SPARCL1: variants seen among roughly 807,000 people sequenced by gnomAD.
The protein encoded by SPARCL1 is SPARC-like protein 1.
A neutral mutation model predicts 67.1 loss-of-function variants in SPARCL1; 52 were observed. The observed-to-expected ratio is 0.78, with a 90% CI of 0.62 to 0.98. The LOEUF (loss-of-function observed/expected upper bound fraction) is 0.98, where lower values mean the gene tolerates loss of function less well. SPARCL1 is among the 50% of genes least tolerant of loss of function. SPARCL1 has a pLI of 0.00. For missense variants in SPARCL1, 717 were observed against 782.4 expected (o/e 0.92, Z 1.00); for synonymous variants, 226 against 267.8 (o/e 0.84, Z 1.52).
rs759594652 is a variant in SPARCL1 at position 87,473,749 on chromosome 4, A to G, written c.*26T>C. On this transcript the variant is annotated 3_prime_UTR_variant, in exon 11 of 11. Coordinates refer to ENST00000282470, the MANE Select transcript of SPARCL1 (RefSeq NM_004684.6). ...TGGTTAGAACAGAGGAGGATGCTGG[A>G]AAGTTGAGTTCTTTAAAATCTTCGT... 1 of 1,582,098 alleles carries G rather than the reference A, an allele frequency of 6.3e-7. No homozygotes were observed. The highest frequency in any genetic ancestry group is 1.1e-5 in the South Asian group (1 of 89,514).
chr4:87,523,876 T>C (rs994475594), intron 1 of SPARCL1, among the ~76,000 whole-genome samples: 4 of 152,204 alleles, frequency 2.6e-5, no homozygotes, highest in African/African-American at 9.7e-5. Flanking sequence ...AAGATGGCAT[T>C]GTATTTGGGG....
intron 4 of SPARCL1, among the ~76,000 whole-genome samples, chr4:87,493,196 T>G (rs2110227862): frequency 6.6e-6 from 1 of 152,296 alleles, no homozygotes; most frequent in African/African-American, 2.4e-5. Flanking sequence ...TTAATACCCC[T>G]CTAGCAATCC....
intron 1 of SPARCL1, among the ~76,000 whole-genome samples, chr4:87,508,784 G>A (rs189130803): frequency 7.2e-6 from 1 of 138,356 alleles, no homozygotes; most frequent in Admixed American, 7.2e-5. Context: ...TGAAACATAT[G>A]TGTGTGTGTG....
intron 1 of SPARCL1, among the ~76,000 whole-genome samples, chr4:87,509,838 G>C (rs116012858): frequency 6.6e-6 from 1 of 152,204 alleles, no homozygotes; most frequent in African/African-American, 2.4e-5. Flanking sequence ...CAGGGGTGAT[G>C]ATATAACCAG....
At chr4:87,514,648 T>G (rs995147282) in intron 1 of SPARCL1, among the ~76,000 whole-genome samples, 4 of 152,234 alleles carry the variant, frequency 2.6e-5, no homozygotes, top group Non-Finnish European at 5.9e-5. Context: ...TGTTCCACGT[T>G]GTCCTTTAGA....
Position 87,528,330 on chromosome 4 carries a change from CT to C in SPARCL1, c.-12+714del, listed in dbSNP as rs1455347690. The C allele has an allele frequency of 3.3e-5, 5 of 152,210 alleles. No homozygotes were observed. In the East Asian group the frequency reaches 9.6e-4, roughly 29 times the overall value. The allele number at this position is 152,210 out of a possible 1,614,324, so 9.4% of individuals were successfully genotyped here. On this transcript the variant is annotated intron_variant, in intron 1 of 10. Coordinates refer to ENST00000282470, the MANE Select transcript of SPARCL1 (RefSeq NM_004684.6). ...ATTATAATATGAGTTACCATAATCT[CT>C]TTAGCTCTTTAATTCTCTTCTCCCA... is the stretch of plus-strand genomic sequence containing the variant.
intron 7 of SPARCL1, among the ~76,000 whole-genome samples, chr4:87,482,867 G>A (rs140208489): frequency 2.0e-3 from 301 of 152,294 alleles, no homozygotes; most frequent in Middle Eastern, 3.4e-3. Flanking sequence ...CAGAATCACT[G>A]CTGTAGAATC....
chr4:87,473,606 TGTTAAATACCTG>T lies in SPARCL1; in HGVS notation c.*157_*168del, dbSNP rs34883460. The T allele has an allele frequency of 0.12, 57,742 of 478,344 alleles. 3,484 individuals carry two copies. Among genetic ancestry groups the T allele is most frequent in the East Asian group, 0.15 (4,590 of 31,316 alleles). The allele number at this position is 478,344 out of a possible 1,614,324, so 29.6% of individuals were successfully genotyped here. ...TGTACATTTTTGTTTCCAAAGTTAA[TGTTAAATACCTG>T]GTGCATAGGTTGTTGTCAAGCAATT... On this transcript the variant is annotated 3_prime_UTR_variant, in exon 11 of 11. Coordinates refer to ENST00000282470, the MANE Select transcript of SPARCL1 (RefSeq NM_004684.6).
Position 87,480,510 on chromosome 4 carries a change from A to G in SPARCL1, c.1679T>C (p.Ile560Thr). 1 of 1,607,962 alleles carries G rather than the reference A, an allele frequency of 6.2e-7. No homozygotes were observed. The change falls in exon 9 of 11, where the codon ATT (isoleucine) becomes ACT (threonine). Residue 560 changes from isoleucine (I) to threonine (T), a missense_variant. Physicochemically the swap from Ile to Thr is moderately conservative, Grantham distance 89 (BLOSUM62 -1). Coordinates refer to ENST00000282470, the MANE Select transcript of SPARCL1 (RefSeq NM_004684.6). ...CAAAAGCCTCTTTTCATCCAGGTAAATTTTCTTGACCTGGGATTAGGAAGG... is the reference window on the plus strand; with the variant it reads ...CAAAAGCCTCTTTTCATCCAGGTAAGTTTTCTTGACCTGGGATTAGGAAGG... Reference protein sequence around the residue: ...NEKQRNKVKKIYLDEKRLLAG... With the variant: ...NEKQRNKVKKTYLDEKRLLAG...
intron 1 of SPARCL1, among the ~76,000 whole-genome samples, chr4:87,508,060 C>T (rs1277601346): frequency 2.6e-5 from 4 of 152,336 alleles, no homozygotes; most frequent in African/African-American, 9.6e-5. Context: ...TTCTTCAAAC[C>T]TCGTCCCCTT....
At chr4:87,479,380 C>T in intron 10 of SPARCL1, 50 bp downstream of exon 10, 1 of 1,586,944 alleles carries the variant, frequency 6.3e-7, no homozygotes, top group Non-Finnish European at 8.6e-7. Flanking sequence ...GGGCTTAGGG[C>T]TTGTCTGAGG....
rs1256309099 is a variant in SPARCL1 at position 87,522,589 on chromosome 4, C to T, written c.-12+6456G>A. On this transcript the variant is annotated intron_variant, in intron 1 of 10. Transcript: ENST00000282470. Reference sequence around the variant, plus strand: ...TCCAGGGTCTTTGCACAAGTGTTCACGCTGTCAGAATTCTCTCTCCAGCAC... The same window carrying T: ...TCCAGGGTCTTTGCACAAGTGTTCATGCTGTCAGAATTCTCTCTCCAGCAC... Among the ~76,000 whole-genome samples the T allele has an allele frequency of 4.5e-4, 68 of 151,420 alleles. 1 individual carries two copies. Among genetic ancestry groups the T allele is most frequent in the Non-Finnish European group, 1.2e-4 (8 of 67,918 alleles).
intron 7 of SPARCL1, among the ~76,000 whole-genome samples, chr4:87,484,180 T>C (rs918190993): frequency 1.3e-5 from 2 of 152,232 alleles, no homozygotes; most frequent in Non-Finnish European, 2.9e-5. Flanking sequence ...TGAATGGTAT[T>C]GCCTAAGTTT....
intron 1 of SPARCL1, among the ~76,000 whole-genome samples, chr4:87,509,359 G>T (rs902277046): frequency 4.6e-5 from 7 of 152,130 alleles, no homozygotes; most frequent in Non-Finnish European, 7.4e-5. Flanking sequence ...CTTGTTCAGG[G>T]TTACACAGCT....
At chr4:87,499,807 G>T (rs962475341) in intron 1 of SPARCL1, among the ~76,000 whole-genome samples, 9 of 152,146 alleles carry the variant, frequency 5.9e-5, no homozygotes, top group African/African-American at 2.2e-4. Context: ...GCCATGTTCG[G>T]CAGAACCTAT....
intron 1 of SPARCL1, among the ~76,000 whole-genome samples, chr4:87,521,728 C>CT: frequency 6.6e-6 from 1 of 152,164 alleles, no homozygotes. Flanking sequence ...ACCATGTGTA[C>CT]TAGAAAAAGG....
intron 7 of SPARCL1, among the ~76,000 whole-genome samples, chr4:87,487,295 A>C (rs1003813084): frequency 5.3e-5 from 8 of 152,112 alleles, no homozygotes; most frequent in Non-Finnish European, 1.2e-4. Flanking sequence ...CTGGTGGTGA[A>C]AAAATCTCTC....
chr4:87,474,070 G>C (rs1723461807), intron 10 of SPARCL1, among the ~76,000 whole-genome samples: 1 of 152,162 alleles, frequency 6.6e-6, no homozygotes, highest in African/African-American at 2.4e-5. Flanking sequence ...TTGGCTGCAG[G>C]GTTGAGAACC....
rs141711304 is a variant in SPARCL1 at position 87,526,631 on chromosome 4, T to C, written c.-12+2414A>G. Among the ~76,000 whole-genome samples, 328 of 152,326 alleles carry C rather than the reference T, an allele frequency of 2.2e-3. 1 individual carries two copies. The highest frequency in any genetic ancestry group is 7.6e-3 in the African/African-American group (317 of 41,580). ...GAGTCAGGATTCTAGCCCAGATGCA[T>C]TGGACTCTGAAGCCCATGCTCTGTC... On this transcript the variant is annotated intron_variant, in intron 1 of 10. Transcript: ENST00000282470.
Sources: gnomAD v4.1 joint callset for allele counts (sites outside exome capture counted in the v4.1 genomes callset) on GRCh38, gnomAD v4.1.1 for gene constraint, MANE v1.5 for transcripts, NCBI Gene and HGNC (gene_info 2026-07-23, HGNC 2026-07-21) for gene names.